Variants in ZDHHC11B observed in about 807,000 individuals in gnomAD.
ZDHHC11B encodes probable palmitoyltransferase ZDHHC11B.
In ZDHHC11B, 17 loss-of-function variants were observed where a neutral mutation model predicts 42.3. That is an observed-to-expected ratio of 0.40 (90% CI 0.27 to 0.60). The LOEUF is 0.60. Among genes scored for constraint, ZDHHC11B ranks in the 20% least tolerant of loss-of-function variants. The probability of loss-of-function intolerance (pLI) is 0.41; values close to 1 mark genes in which losing one functional copy is unlikely to be tolerated. For missense variants in ZDHHC11B, 262 were observed against 463.2 expected (o/e 0.57, Z 3.99); for synonymous variants, 123 against 193.5 (o/e 0.64, Z 3.02).
Position 767,275 on chromosome 5 carries a change from C to A in ZDHHC11B, c.-1+117G>T, listed in dbSNP as rs112861034. On this transcript the variant is annotated intron_variant, in intron 3 of 13. Coordinates refer to ENST00000508859, the MANE Select transcript of ZDHHC11B (RefSeq NM_001351303.2). ...GCAACGGGAAGACCTGAGCTGCCAT[C>A]TGGACGGCTGCGGGATGGCCCTCTC... 845 of 1,229,188 alleles carry A rather than the reference C, an allele frequency of 6.9e-4. 7 individuals are homozygous for A. In the African/African-American group the frequency reaches 0.011, roughly 16 times the overall value. The allele number at this position is 1,229,188 out of a possible 1,614,324, so 76.1% of individuals were successfully genotyped here. A position where few individuals can be genotyped will look rare whatever the true frequency, so the allele number is the denominator to read the frequency against.
intron 1 of ZDHHC11B, among the ~76,000 whole-genome samples, chr5:771,008 A>T (rs1244488968): frequency 6.6e-6 from 1 of 151,860 alleles, no homozygotes; most frequent in African/African-American, 2.4e-5. Context: ...CTCAAGGCTG[A>T]GGTGCTGGAC....
chr5:715,840 A>C (rs146909834), intron 13 of ZDHHC11B, among the ~76,000 whole-genome samples: 3,698 of 149,510 alleles, frequency 0.025, 245 homozygotes, highest in African/African-American at 0.087. Context: ...AGACCTTGAC[A>C]TTCCTCAGGG....
chr5:730,433 C>T lies in ZDHHC11B; in HGVS notation c.1058+1G>A, dbSNP rs771753671. 5 of 1,578,432 alleles carry T rather than the reference C, an allele frequency of 3.2e-6. No homozygotes were observed. Among genetic ancestry groups the T allele is most frequent in the Middle Eastern group, 1.7e-4 (1 of 6,022 alleles). ...CGTTCCCATTAAACTTACGAACTTA[C>T]CCAAGTGTAGATGTACTCGGGGCAT... On this transcript the variant is annotated splice_donor_variant, in intron 12 of 13. Coordinates refer to ENST00000508859, the MANE Select transcript of ZDHHC11B (RefSeq NM_001351303.2). LOFTEE classifies it high-confidence loss of function.
chr5:725,960 T>TACAAGCC (rs1235935214), intron 12 of ZDHHC11B, among the ~76,000 whole-genome samples: 1 of 151,660 alleles, frequency 6.6e-6, no homozygotes, highest in African/African-American at 2.4e-5. Context: ...GGAAAATTAA[T>TACAAGCC]ACAAGCCACT....
chr5:734,249 G>A (rs1358210837), intron 10 of ZDHHC11B, among the ~76,000 whole-genome samples: 3 of 118,770 alleles, frequency 2.5e-5, no homozygotes, highest in African/African-American at 1.2e-4. Context: ...CACCACAGCA[G>A]CATACCAGAA....
At chr5:729,732 C>T (rs413177) in intron 12 of ZDHHC11B, among the ~76,000 whole-genome samples, 30,008 of 129,230 alleles carry the variant, frequency 0.23, 1,588 homozygotes, top group East Asian at 0.29. Flanking sequence ...AGCTGCTTTT[C>T]AAAATATAAA....
At chr5:752,282 G>A (rs1745876782) in intron 6 of ZDHHC11B, among the ~76,000 whole-genome samples, 1 of 83,638 alleles carries the variant, frequency 1.2e-5, no homozygotes, top group South Asian at 5.3e-4. Context: ...CACCTCGGCT[G>A]CAGTCCCCCC....
chr5:766,270 C>T (rs1230361360), intron 4 of ZDHHC11B, among the ~76,000 whole-genome samples: 1 of 149,756 alleles, frequency 6.7e-6, no homozygotes, highest in Non-Finnish European at 1.5e-5. Context: ...CACGGGCTTC[C>T]CCCTCTTTGG....
At chr5:713,276 C>T (rs1028993085) in intron 13 of ZDHHC11B, among the ~76,000 whole-genome samples, 4 of 151,866 alleles carry the variant, frequency 2.6e-5, no homozygotes, top group African/African-American at 9.7e-5. Context: ...TTGTTAAATC[C>T]ATCCACTTTA....
intron 6 of ZDHHC11B, among the ~76,000 whole-genome samples, chr5:754,238 C>T (rs1732117185): frequency 8.5e-6 from 1 of 117,350 alleles, no homozygotes; most frequent in East Asian, 3.8e-4. Flanking sequence ...CTATGAGCCT[C>T]CACCGTGCTC....
intron 12 of ZDHHC11B, among the ~76,000 whole-genome samples, chr5:719,012 C>T (rs1311086035): frequency 4.0e-5 from 6 of 151,832 alleles, no homozygotes; most frequent in African/African-American, 1.2e-4. Context: ...GAGAGACACA[C>T]AGTACCCCCT....
intron 12 of ZDHHC11B, among the ~76,000 whole-genome samples, chr5:728,773 A>G (rs6872626): frequency 0.097 from 12,546 of 128,988 alleles, 12 homozygotes; most frequent in East Asian, 0.26. Context: ...TGTAGTCCCA[A>G]CACTTTAGGA....
intron 1 of ZDHHC11B, among the ~76,000 whole-genome samples, chr5:778,350 G>T (rs1736714387): frequency 6.6e-6 from 1 of 151,284 alleles, no homozygotes; most frequent in Non-Finnish European, 1.5e-5. Context: ...CTTCTGTGGG[G>T]ACAGCAAGGA....
rs572564635 is a variant in ZDHHC11B, at chr5:722,663, T to G, written c.1059-5798A>C. ...CAATTGCACCACTAGGAATAGCCCC[T>G]GGAGAAATGGTTGCACCTGTACAAC... is the stretch of plus-strand genomic sequence containing the variant. On this transcript the variant is annotated intron_variant, in intron 12 of 13. Coordinates refer to ENST00000508859, the MANE Select transcript of ZDHHC11B (RefSeq NM_001351303.2). 7.1e-4 allele frequency among the ~76,000 whole-genome samples: 107 copies of G among 151,624 alleles called. 2 individuals are homozygous for G. The highest frequency in any genetic ancestry group is 2.9e-3 in the East Asian group (15 of 5,164).
chr5:746,358 G>A (rs1744817321), intron 8 of ZDHHC11B, among the ~76,000 whole-genome samples: 1 of 146,980 alleles, frequency 6.8e-6, no homozygotes, highest in Non-Finnish European at 1.5e-5. Context: ...CTCCAGTCCT[G>A]TGAGGTAGAG....
intron 11 of ZDHHC11B, among the ~76,000 whole-genome samples, chr5:731,743 G>T (rs1195273641): frequency 1.3e-5 from 2 of 151,854 alleles, no homozygotes; most frequent in African/African-American, 4.9e-5. Context: ...TAGTGTTTTT[G>T]GTATCTATCA....
intron 1 of ZDHHC11B, among the ~76,000 whole-genome samples, chr5:777,083 G>T (rs760871330): frequency 3.3e-5 from 5 of 151,914 alleles, no homozygotes; most frequent in Non-Finnish European, 7.4e-5. Context: ...TGAAGCTGCG[G>T]AGCCCCGCAG....
chr5:750,307 GTT>G (rs1346071052), intron 7 of ZDHHC11B, among the ~76,000 whole-genome samples: 1 of 131,130 alleles, frequency 7.6e-6, no homozygotes, highest in East Asian at 2.4e-4. Context: ...CTGCAGGACA[GTT>G]GAGCGCGCTG....
At chr5:756,443 A>G (rs10044944) in intron 4 of ZDHHC11B, among the ~76,000 whole-genome samples, 67,525 of 148,790 alleles carry the variant, frequency 0.45, 11,350 homozygotes, top group African/African-American at 0.61. Flanking sequence ...GAGGCTACCC[A>G]TCGGCCCTGC....
Sources: allele counts gnomAD v4.1 joint callset (sites outside exome capture counted in the v4.1 genomes callset), GRCh38; gene constraint gnomAD v4.1.1; transcripts MANE v1.5; gene names NCBI Gene and HGNC (gene_info 2026-07-23, HGNC 2026-07-21).